Variants in NSDHL observed in about 807,000 individuals in gnomAD.
NSDHL encodes sterol-4-alpha-carboxylate 3-dehydrogenase, decarboxylating.
In NSDHL, 1 loss-of-function variant was observed where a neutral mutation model predicts 23.0. That is an observed-to-expected ratio of 0.04 (90% confidence interval 0.02 to 0.21). The LOEUF is 0.21. Ranked by LOEUF, NSDHL falls within the 10% of genes least tolerant of loss-of-function variation. The pLI, the probability that NSDHL is intolerant of heterozygous loss-of-function variation, is 1.00. For missense variants in NSDHL, 237 were observed against 300.9 expected (o/e 0.79, Z 1.57); for synonymous variants, 128 against 121.1 (o/e 1.06, Z -0.37).
At chrX:152,842,487 C>T (rs1933207999) in intron 1 of NSDHL, among the ~76,000 whole-genome samples, 1 of 111,317 alleles carries the variant, frequency 9.0e-6, no homozygotes, top group Admixed American at 9.6e-5. Context: ...CGTTGAGCAT[C>T]GTTTTTTATT....
intron 3 of NSDHL, among the ~76,000 whole-genome samples, chrX:152,856,429 A>T (rs1445735139): frequency 8.9e-6 from 1 of 112,115 alleles, no homozygotes; most frequent in Non-Finnish European, 1.9e-5. Context: ...TAAAGACTTG[A>T]TCGGACTCTG....
At position 152,858,663 on chromosome X, in the gene NSDHL, T is replaced by C; in HGVS notation, c.268-107T>C. On this transcript the variant is annotated intron_variant, in intron 3 of 7. Coordinates refer to ENST00000370274, the MANE Select transcript of NSDHL (RefSeq NM_015922.3). ...ATGTATTTCCATATTGATTATAGAA[T>C]TATAAGACAAGGAACCTACAAGCCA... is the stretch of plus-strand genomic sequence containing the variant. 6.3e-6 allele frequency: 4 copies of C among 635,823 alleles called. No individual in the cohort carries two copies. The South Asian group carries it at 1.0e-4, about 16-fold the overall frequency. The allele number at this position is 635,823 out of a possible 1,213,427, so 52.4% of individuals were successfully genotyped here. A position where few individuals can be genotyped will look rare whatever the true frequency, so the allele number is the denominator to read the frequency against.
intron 3 of NSDHL, among the ~76,000 whole-genome samples, chrX:152,856,593 G>A (rs1004203627): frequency 1.8e-5 from 2 of 111,614 alleles, no homozygotes; most frequent in East Asian, 5.6e-4. Context: ...TAGGGCAAGG[G>A]CAGTACAAAA....
chrX:152,842,358 C>T (rs893649253), intron 1 of NSDHL, among the ~76,000 whole-genome samples: 1 of 112,229 alleles, frequency 8.9e-6, no homozygotes, highest in Non-Finnish European at 1.9e-5. Context: ...AGGTTCTCCA[C>T]ATCCTCACTG....
At chrX:152,851,900 A>G (rs1220119951) in intron 3 of NSDHL, among the ~76,000 whole-genome samples, 2 of 110,724 alleles carry the variant, frequency 1.8e-5, no homozygotes, top group Admixed American at 9.6e-5. Flanking sequence ...TCACCCAATG[A>G]TGTTGCCCTC....
chrX:152,834,647 G>A (rs1194032790), intron 1 of NSDHL, among the ~76,000 whole-genome samples: 2 of 112,685 alleles, frequency 1.8e-5, no homozygotes, highest in Non-Finnish European at 3.7e-5. Context: ...ATGAAGGTGT[G>A]TGCCGCCTCA....
intron 1 of NSDHL, among the ~76,000 whole-genome samples, chrX:152,837,461 A>G (rs1475127694): frequency 1.8e-5 from 2 of 111,556 alleles, no homozygotes; most frequent in African/African-American, 6.5e-5. Flanking sequence ...TTATTTTGAG[A>G]TATGTCCCAT....
At chrX:152,832,002 A>G (rs1203722345) in intron 1 of NSDHL, among the ~76,000 whole-genome samples, 1 of 111,292 alleles carries the variant, frequency 9.0e-6, no homozygotes, top group African/African-American at 3.3e-5. Context: ...TCATCCCCCC[A>G]AGTAGTACGA....
chrX:152,846,685 C>G (rs1933279898), intron 2 of NSDHL, among the ~76,000 whole-genome samples: 1 of 112,183 alleles, frequency 8.9e-6, no homozygotes, highest in Admixed American at 9.4e-5. Context: ...ATGGTCTCCC[C>G]TGGGCTCTTG....
intron 1 of NSDHL, among the ~76,000 whole-genome samples, chrX:152,841,925 A>T (rs369869644): frequency 1.8e-5 from 2 of 112,126 alleles, no homozygotes; most frequent in East Asian, 5.6e-4. Flanking sequence ...CAGCACTGAG[A>T]GTCTGTTCCC....
chrX:152,850,676 G>T (rs1204309804), intron 3 of NSDHL, among the ~76,000 whole-genome samples: 2 of 112,508 alleles, frequency 1.8e-5, no homozygotes, highest in Non-Finnish European at 3.7e-5. Context: ...AAATGGCTGT[G>T]GCTGTATGCC....
At chrX:152,835,441 A>G (rs1399863728) in intron 1 of NSDHL, among the ~76,000 whole-genome samples, 1 of 108,342 alleles carries the variant, frequency 9.2e-6, no homozygotes, top group Non-Finnish European at 1.9e-5. Flanking sequence ...TCCTAATGCT[A>G]TCCCTCCCCC....
chrX:152,850,167 T>C lies in NSDHL; in HGVS notation c.109-98T>C, dbSNP rs1933333388. On this transcript the variant is annotated intron_variant, in intron 2 of 7. Transcript: ENST00000370274. Reference sequence around the variant, plus strand: ...AAGAAGAGTTCCAAACAAACAAGTATATCTGCCATTGCAGTGGCTCATGAT... The same window carrying C: ...AAGAAGAGTTCCAAACAAACAAGTACATCTGCCATTGCAGTGGCTCATGAT... The C allele has an allele frequency of 5.7e-6, 5 of 873,335 alleles. No homozygotes were observed. The East Asian group carries it at 1.6e-4, about 27-fold the overall frequency. 72.0% of individuals were successfully genotyped at this position (873,335 alleles called of 1,213,427 possible). A position where few individuals can be genotyped will look rare whatever the true frequency, so the allele number is the denominator to read the frequency against.
At chrX:152,834,583 T>C (rs929814039) in intron 1 of NSDHL, among the ~76,000 whole-genome samples, 2 of 112,595 alleles carry the variant, frequency 1.8e-5, no homozygotes, top group Non-Finnish European at 3.8e-5. Flanking sequence ...GGCTTTATTG[T>C]TGTTCCTACA....
intron 3 of NSDHL, among the ~76,000 whole-genome samples, chrX:152,852,636 T>C (rs1556846443): frequency 3.6e-5 from 4 of 111,366 alleles, no homozygotes; most frequent in Non-Finnish European, 5.7e-5. Context: ...AATCTTGCCT[T>C]GTGCATGGCC....
intron 5 of NSDHL, among the ~76,000 whole-genome samples, chrX:152,863,143 TAG>T (rs782310559): frequency 4.6e-5 from 5 of 108,063 alleles, no homozygotes; most frequent in Admixed American, 9.9e-5. Flanking sequence ...GCCTGGGGGA[TAG>T]AGAGAGAGAG....
In NSDHL at chrX:152,869,542, A is replaced by G. The variant is rs186807967; in HGVS notation, c.*426A>G. 383 of 183,136 alleles carry G rather than the reference A, an allele frequency of 2.1e-3. No individual in the cohort carries two copies. The highest frequency in any genetic ancestry group is 4.2e-3 in the Admixed American group (62 of 14,765). 15.1% of individuals were successfully genotyped at this position (183,136 alleles called of 1,213,427 possible). A position where few individuals can be genotyped will look rare whatever the true frequency, so the allele number is the denominator to read the frequency against. ...GAGTGAAGCCTCTAGACTTTGTTCA[A>G]GATACTCTATCTTCAAAATATCCCA... is the stretch of plus-strand genomic sequence containing the variant. On this transcript the variant is annotated 3_prime_UTR_variant, in exon 8 of 8. Transcript: ENST00000370274.
At chrX:152,836,515 C>A (rs1173297105) in intron 1 of NSDHL, among the ~76,000 whole-genome samples, 2 of 111,469 alleles carry the variant, frequency 1.8e-5, no homozygotes, top group African/African-American at 6.5e-5. Context: ...TCAGCTTTCT[C>A]CATATGGCTA....
chrX:152,846,342 C>T lies in NSDHL; in HGVS notation c.18C>T (p.Ser6=), dbSNP rs782233195. 8 of 1,206,280 alleles carry T rather than the reference C, an allele frequency of 6.6e-6. No homozygotes were observed. Among genetic ancestry groups the T allele is most frequent in the East Asian group, 5.9e-5 (2 of 33,739 alleles). Residue 6 remains serine (S), a synonymous_variant, in exon 2 of 8, where the codon AGC becomes AGT. Coordinates refer to ENST00000370274, the MANE Select transcript of NSDHL (RefSeq NM_015922.3). MEPAV[S]EPMRDQVART... ...GCTTCGAAATGGAACCAGCAGTTAGCGAGCCAATGAGAGACCAAGTCGCAC... is the reference window on the plus strand; with the variant it reads ...GCTTCGAAATGGAACCAGCAGTTAGTGAGCCAATGAGAGACCAAGTCGCAC...
Sources: gnomAD v4.1 joint callset for allele counts (sites outside exome capture counted in the v4.1 genomes callset) on GRCh38, gnomAD v4.1.1 for gene constraint, MANE v1.5 for transcripts, NCBI Gene and HGNC (gene_info 2026-07-23, HGNC 2026-07-21) for gene names.